The following RIMS2 variants were observed in gnomAD, a reference collection of about 807,000 sequenced individuals.
RIMS2 encodes the protein regulating synaptic membrane exocytosis protein 2.
In RIMS2, 59 loss-of-function variants were observed where a neutral mutation model predicts 174.4. The observed-to-expected ratio is 0.34, with a 90% confidence interval of 0.27 to 0.42. The LOEUF (loss-of-function observed/expected upper bound fraction) is 0.42. Among genes scored for constraint, RIMS2 ranks in the 10% least tolerant of loss-of-function variants. The probability of loss-of-function intolerance (pLI) is 1.00; values close to 1 mark genes in which losing one functional copy is unlikely to be tolerated. For missense variants in RIMS2, 1,620 were observed against 1,666.3 expected, an observed-to-expected ratio of 0.97 and a Z score of 0.48; for synonymous variants, 606 against 572.5, an observed-to-expected ratio of 1.06 and a Z score of -0.84.
rs145531101 is a variant in RIMS2 at position 103,895,612 on chromosome 8, G to A, written c.1624+9389G>A. ...GGAGGGGCATGCAGACATTTAGTCC[G>A]TGGCAGTCAGTTTCTTTGAATGATT... On this transcript the variant is annotated intron_variant, in intron 4 of 23. Coordinates refer to ENST00000504942, the Ensembl canonical transcript of RIMS2. 8.8e-3 allele frequency among the ~76,000 whole-genome samples: 1,339 copies of A among 151,588 alleles called. 66 individuals carry two copies. The highest frequency in any genetic ancestry group is 0.031 in the African/African-American group (1,261 of 41,034).
intron 1 of RIMS2, among the ~76,000 whole-genome samples, chr8:103,648,250 A>C (rs1026682574): frequency 3.3e-5 from 5 of 152,066 alleles, no homozygotes; most frequent in Non-Finnish European, 7.4e-5. Context: ...CTTAATCTTG[A>C]GTTCTAATTT....
chr8:103,673,967 A>C (rs1336441165), intron 1 of RIMS2, among the ~76,000 whole-genome samples: 2 of 152,180 alleles, frequency 1.3e-5, no homozygotes, highest in Non-Finnish European at 2.9e-5. Context: ...CCACATCTTG[A>C]ACTTTTTGCT....
At chr8:103,721,041 T>C (rs971967871) in intron 2 of RIMS2, among the ~76,000 whole-genome samples, 2 of 151,880 alleles carry the variant, frequency 1.3e-5, no homozygotes, top group Non-Finnish European at 2.9e-5. Flanking sequence ...ATCATGGGGG[T>C]GGATCCTTCA....
chr8:103,980,698 C>T (rs543737036), intron 16 of RIMS2, among the ~76,000 whole-genome samples: 1 of 152,260 alleles, frequency 6.6e-6, no homozygotes, highest in South Asian at 2.1e-4. Context: ...GAGCCTATTG[C>T]CCTGAAGGGT....
At chr8:103,647,963 T>A (rs1224703219) in intron 1 of RIMS2, among the ~76,000 whole-genome samples, 1 of 151,892 alleles carries the variant, frequency 6.6e-6, no homozygotes, top group Non-Finnish European at 1.5e-5. Flanking sequence ...TCTTGTCTTC[T>A]GTTAGCTGTG....
At position 104,190,269 on chromosome 8, in the gene RIMS2, C is replaced by A. The variant is rs990168097; in HGVS notation, c.3335-54647C>A. Among the ~76,000 whole-genome samples, 7 of 151,916 alleles carry A rather than the reference C, an allele frequency of 4.6e-5. No individual in the cohort carries two copies. The South Asian group carries it at 1.5e-3, about 32-fold the overall frequency. The stretch of plus-strand genomic sequence containing the variant: ...GTGGACCATGATTATGCCATTGCAC[C>A]TCAGCCTGTGACAGAGTGGGACCCT... On this transcript the variant is annotated intron_variant, in intron 19 of 23. Coordinates refer to ENST00000504942, the Ensembl canonical transcript of RIMS2.
At chr8:104,068,816 C>A (rs1348946457) in intron 19 of RIMS2, among the ~76,000 whole-genome samples, 1 of 152,102 alleles carries the variant, frequency 6.6e-6, no homozygotes, top group Non-Finnish European at 1.5e-5. Context: ...TTATAAAATA[C>A]AGAAGATTAA....
chr8:103,595,861 C>G (rs1265404471), intron 1 of RIMS2, among the ~76,000 whole-genome samples: 1 of 151,958 alleles, frequency 6.6e-6, no homozygotes, highest in Non-Finnish European at 1.5e-5. Flanking sequence ...CAGAAAACCT[C>G]TTCCATCTTT....
intron 1 of RIMS2, among the ~76,000 whole-genome samples, chr8:103,521,464 A>AT (rs1831655008): frequency 1.3e-5 from 2 of 151,780 alleles, no homozygotes; most frequent in Non-Finnish European, 1.5e-5. Flanking sequence ...ATTTATTATA[A>AT]TTTTTTACTT....
rs1046133776 is a variant in RIMS2, at chr8:103,552,470, A to T, written c.176+51408A>T. The stretch of plus-strand genomic sequence containing the variant: ...AATTCAAGATGGATTAAAGACTTAA[A>T]TGTTAGACCTAAAACCATAAAAACG... On this transcript the variant is annotated intron_variant, in intron 1 of 23. Coordinates refer to ENST00000504942, the Ensembl canonical transcript of RIMS2. 2.6e-5 allele frequency among the ~76,000 whole-genome samples: 4 copies of T among 152,340 alleles called. No individual in the cohort carries two copies. In the East Asian group the frequency reaches 7.7e-4, roughly 29 times the overall value.
At chr8:103,866,680 CT>C (rs1371377293) in intron 3 of RIMS2, among the ~76,000 whole-genome samples, 1 of 152,066 alleles carries the variant, frequency 6.6e-6, no homozygotes, top group Non-Finnish European at 1.5e-5. Flanking sequence ...TTTGTATAAT[CT>C]GACATGGTAA....
intron 16 of RIMS2, among the ~76,000 whole-genome samples, chr8:103,983,041 A>G (rs749536009): frequency 5.9e-5 from 9 of 152,336 alleles, no homozygotes; most frequent in African/African-American, 2.4e-5. Flanking sequence ...TGATAAATTC[A>G]GTAAAGTTTC....
intron 17 of RIMS2, among the ~76,000 whole-genome samples, chr8:103,998,474 T>G (rs1264414334): frequency 6.6e-6 from 1 of 151,812 alleles, no homozygotes; most frequent in Admixed American, 6.6e-5. Context: ...AGAATCTCTT[T>G]GGTGATTCTA....
At chr8:103,603,940 T>C (rs1410066129) in intron 1 of RIMS2, among the ~76,000 whole-genome samples, 7 of 146,656 alleles carry the variant, frequency 4.8e-5, no homozygotes, top group Admixed American at 1.4e-4. Context: ...TTCTCCCATT[T>C]TGTAGGTTGC....
At chr8:104,232,890 A>C (rs533447922) in intron 19 of RIMS2, among the ~76,000 whole-genome samples, 105 of 152,190 alleles carry the variant, frequency 6.9e-4, no homozygotes, top group Non-Finnish European at 1.2e-3. Flanking sequence ...TATTTTTCAA[A>C]TGTAGAAGGA....
chr8:104,231,700 T>C (rs1047272732), intron 19 of RIMS2, among the ~76,000 whole-genome samples: 1 of 152,216 alleles, frequency 6.6e-6, no homozygotes, highest in African/African-American at 2.4e-5. Flanking sequence ...AATACCTATC[T>C]TGATGAATAT....
intron 18 of RIMS2, 47 bp downstream of exon 20, chr8:104,013,668 A>G (rs1344967775): frequency 6.6e-7 from 1 of 1,509,960 alleles, no homozygotes. Context: ...CCCCACCAGC[A>G]CACCATTTTA....
At chr8:103,551,596 C>T (rs1005587057) in intron 1 of RIMS2, among the ~76,000 whole-genome samples, 1 of 152,036 alleles carries the variant, frequency 6.6e-6, no homozygotes, top group Non-Finnish European at 1.5e-5. Flanking sequence ...GAAGTTCTGG[C>T]CAGGGCAATC....
chr8:103,602,106 C>T (rs548806509), intron 1 of RIMS2, among the ~76,000 whole-genome samples: 1 of 152,168 alleles, frequency 6.6e-6, no homozygotes, highest in African/African-American at 2.4e-5. Flanking sequence ...CTGCCTCAGC[C>T]TCCTGAGTAG....
Sources: allele counts gnomAD v4.1 joint callset (sites outside exome capture counted in the v4.1 genomes callset), GRCh38; gene constraint gnomAD v4.1.1; transcripts MANE v1.5; gene names NCBI Gene and HGNC (gene_info 2026-07-23, HGNC 2026-07-21).